Variants in SCN3A observed in about 807,000 individuals in gnomAD.
SCN3A encodes sodium channel protein type 3 subunit alpha.
SCN3A carries 60 observed loss-of-function variants against 187.6 expected under a neutral mutation model. The observed-to-expected ratio is 0.32, with a 90% confidence interval of 0.26 to 0.40. The LOEUF is 0.40. Ranked by LOEUF, SCN3A falls within the 10% of genes least tolerant of loss-of-function variation. SCN3A has a pLI of 1.00. For missense variants in SCN3A, 1,601 were observed against 2,428.2 expected (o/e 0.66, Z 7.16); for synonymous variants, 788 against 829.2 (o/e 0.95, Z 0.85).
chr2:165,146,983 C>A lies in SCN3A; in HGVS notation c.1427G>T (p.Gly476Val). Residue 476 changes from glycine to valine, a missense_variant, in exon 12 of 28, where the codon GGT becomes GTT. This residue lies in a region of SCN3A where 376 missense variants were observed against 476.0 expected (regional missense o/e 0.79). Coordinates refer to ENST00000283254, the MANE Select transcript of SCN3A (RefSeq NM_006922.4). ...ACTTTCCAACAGCTCTCCTAACCCA[C>A]CTATTCCACTGAAATCTCTTGAAGC... ...SAASRDFSGI[G>V]GLGELLESSS... 6.2e-7 allele frequency: 1 copy of A among 1,614,084 alleles called. No individual in the cohort carries two copies. Among genetic ancestry groups the A allele is most frequent in the Non-Finnish European group, 8.5e-7 (1 of 1,179,950 alleles).
chr2:165,100,164 T>G, intron 22 of SCN3A, 138 bp downstream of exon 22: 2 of 1,056,272 alleles, frequency 1.9e-6, no homozygotes, highest in Non-Finnish European at 1.4e-6. Context: ...AAGGCTAGGC[T>G]TTGTGATATC....
chr2:165,162,853 C>T, intron 7 of SCN3A, 25 bp from the exon 8 acceptor site: 1 of 1,613,436 alleles, frequency 6.2e-7, no homozygotes, highest in Non-Finnish European at 8.5e-7. Context: ...CTATAGGTTA[C>T]CTGAGGAAGA....
At chr2:165,105,471 G>A (rs758141510) in intron 21 of SCN3A, among the ~76,000 whole-genome samples, 4 of 152,108 alleles carry the variant, frequency 2.6e-5, no homozygotes, top group South Asian at 2.1e-4. Context: ...CACCACAGAG[G>A]AGCCCTATTT....
intron 21 of SCN3A, among the ~76,000 whole-genome samples, chr2:165,104,926 A>T (rs1246084328): frequency 1.3e-5 from 2 of 152,180 alleles, no homozygotes; most frequent in Non-Finnish European, 2.9e-5. Flanking sequence ...ATAGGAGAAG[A>T]TACAACAAGA....
intron 1 of SCN3A, among the ~76,000 whole-genome samples, chr2:165,197,069 T>C (rs915725129): frequency 1.3e-5 from 2 of 152,134 alleles, no homozygotes; most frequent in African/African-American, 4.8e-5. Flanking sequence ...AACTTTCAAA[T>C]ATCATTGGGA....
chr2:165,182,231 A>G (rs1024473280), intron 2 of SCN3A, among the ~76,000 whole-genome samples: 1 of 152,214 alleles, frequency 6.6e-6, no homozygotes, highest in Non-Finnish European at 1.5e-5. Flanking sequence ...AGAAGAAAGC[A>G]GTTAGTCACC....
At chr2:165,135,073 A>G (rs993323713) in intron 15 of SCN3A, among the ~76,000 whole-genome samples, 2 of 152,006 alleles carry the variant, frequency 1.3e-5, no homozygotes, top group African/African-American at 4.8e-5. Context: ...AATCAATGGG[A>G]TTGTTTTTGG....
intron 25 of SCN3A, 74 bp downstream of exon 25, chr2:165,095,437 G>A (rs376209170): frequency 2.0e-5 from 28 of 1,413,476 alleles, no homozygotes; most frequent in African/African-American, 1.7e-4. Context: ...ATGACCACAG[G>A]TATTCTGGTT....
intron 26 of SCN3A, chr2:165,093,475 A>C (rs767258276): frequency 5.9e-5 from 9 of 152,178 alleles, no homozygotes; most frequent in Non-Finnish European, 1.0e-4. Flanking sequence ...GCTTTCAAAG[A>C]TTCTTATATT....
intron 14 of SCN3A, among the ~76,000 whole-genome samples, chr2:165,138,820 C>T (rs1687820810): frequency 6.6e-6 from 1 of 152,054 alleles, no homozygotes; most frequent in African/African-American, 2.4e-5. Flanking sequence ...TTAGAATTGA[C>T]ATATAATTGA....
chr2:165,092,617 A>G lies in SCN3A; in HGVS notation c.4537-93T>C, dbSNP rs1574092235. The stretch of plus-strand genomic sequence containing the variant: ...TAGATAAAGCCCTTCCACATACGGG[A>G]TGGATGTGCACCCTCCTCATATTAC... On this transcript the variant is annotated intron_variant, in intron 26 of 27. Coordinates refer to ENST00000283254, the MANE Select transcript of SCN3A (RefSeq NM_006922.4). This position sits in a 1 kb window ranked among gnomAD's most constrained non-coding sequence, Gnocchi z 4.2. 4 of 1,155,132 alleles carry G rather than the reference A, an allele frequency of 3.5e-6. No individual in the cohort carries two copies. The East Asian group carries it at 1.0e-4, about 29-fold the overall frequency. 71.6% of individuals were successfully genotyped at this position (1,155,132 alleles called of 1,614,324 possible).
rs576209595 is a variant in SCN3A at position 165,092,060 on chromosome 2, C to T, written c.4807+194G>A. 1.6e-6 allele frequency: 1 copy of T among 624,898 alleles called. No individual in the cohort carries two copies. Among genetic ancestry groups the T allele is most frequent in the African/African-American group, 1.8e-5 (1 of 54,532 alleles). 38.7% of individuals were successfully genotyped at this position (624,898 alleles called of 1,614,324 possible). On this transcript the variant is annotated intron_variant, in intron 27 of 27. Transcript: ENST00000283254. The surrounding 1 kb of genome is among the most constrained non-coding windows in gnomAD (Gnocchi z 4.2). ...CACCTCTTTCCCAAATCTGGTATTC[C>T]TAACATGGTTTCTAACTAGTTAGCT... is the stretch of plus-strand genomic sequence containing the variant.
rs747674986 is a variant in SCN3A, at chr2:165,091,109, T to C, written c.5044A>G (p.Lys1682Glu). ...AACATGTCATCAATTCCAGCTTCCTTTTTAACATAGGCAAAGTTGGACATC... is the reference window on the plus strand; with the variant it reads ...AACATGTCATCAATTCCAGCTTCCTCTTTAACATAGGCAAAGTTGGACATC... ...FGMSNFAYVK[K>E]EAGIDDMFNF... Residue 1682 changes from lysine (K) to glutamate (E), a missense_variant, in exon 28 of 28, where the codon AAG (lysine) becomes GAG (glutamate). Transcript: ENST00000283254. 3.7e-6 allele frequency: 6 copies of C among 1,614,054 alleles called. No homozygotes were observed. In the South Asian group the frequency reaches 6.6e-5, roughly 18 times the overall value.
intron 3 of SCN3A, among the ~76,000 whole-genome samples, chr2:165,174,048 C>A (rs1194985065): frequency 1.3e-5 from 2 of 152,090 alleles, no homozygotes; most frequent in Non-Finnish European, 2.9e-5. Flanking sequence ...AGAATGCCAA[C>A]CTATTTATTT....
At chr2:165,120,083 C>T (rs907131235) in intron 18 of SCN3A, among the ~76,000 whole-genome samples, 3 of 152,066 alleles carry the variant, frequency 2.0e-5, no homozygotes, top group Non-Finnish European at 2.9e-5. Flanking sequence ...TACAAATGCA[C>T]GCTGAAAAGC....
intron 17 of SCN3A, among the ~76,000 whole-genome samples, chr2:165,129,481 T>C (rs1348697279): frequency 6.6e-6 from 1 of 152,228 alleles, no homozygotes; most frequent in East Asian, 1.9e-4. Context: ...CAAAATTTGG[T>C]ACTATGCAAC....
intron 19 of SCN3A, among the ~76,000 whole-genome samples, chr2:165,114,607 T>C (rs1280324922): frequency 6.6e-6 from 1 of 152,224 alleles, no homozygotes; most frequent in Non-Finnish European, 1.5e-5. Context: ...CATTGAATAA[T>C]AGATATTCAT....
intron 11 of SCN3A, 82 bp downstream of exon 11, chr2:165,154,370 A>G: frequency 6.9e-7 from 1 of 1,450,418 alleles, no homozygotes; most frequent in South Asian, 1.2e-5. Context: ...AGCAGTTCCA[A>G]TCTACCCTCT....
At chr2:165,189,083 T>A (rs1333822119) in intron 1 of SCN3A, among the ~76,000 whole-genome samples, 1 of 152,138 alleles carries the variant, frequency 6.6e-6, no homozygotes. Context: ...AAGAAAAAAT[T>A]GAAGCATATT....
Sources: gnomAD v4.1 joint callset for allele counts (sites outside exome capture counted in the v4.1 genomes callset) on GRCh38, gnomAD v4.1.1 for gene constraint, gnomAD v4.1.1 regional missense constraint, Gnocchi (gnomAD v3.1) non-coding constraint, MANE v1.5 for transcripts, NCBI Gene and HGNC (gene_info 2026-07-23, HGNC 2026-07-21) for gene names.